Variants in CEP85L observed in about 807,000 individuals in gnomAD.
CEP85L encodes the protein centrosomal protein of 85 kDa-like.
A neutral mutation model predicts 100.3 loss-of-function variants in CEP85L; 60 were observed. The ratio of observed to expected loss-of-function variants is 0.60; its 90% CI spans 0.49 to 0.74. The LOEUF (loss-of-function observed/expected upper bound fraction) is 0.74, where lower values mean the gene tolerates loss of function less well. Ranked by LOEUF, CEP85L falls within the 30% of genes least tolerant of loss-of-function variation. The probability of loss-of-function intolerance (pLI) is 0.00; values close to 1 mark genes in which losing one functional copy is unlikely to be tolerated. For synonymous variants in CEP85L, 319 were observed against 322.7 expected (o/e 0.99, Z 0.12); for missense variants, 973 against 936.2 (o/e 1.04, Z -0.51).
chr6:118,518,499 T>C (rs1776419635), intron 4 of CEP85L, among the ~76,000 whole-genome samples: 1 of 152,234 alleles, frequency 6.6e-6, no homozygotes, highest in African/African-American at 2.4e-5. Context: ...TTCTTCTAGA[T>C]TTTCTAGTTT....
intron 2 of CEP85L, among the ~76,000 whole-genome samples, chr6:118,630,228 A>G (rs1774058447): frequency 6.6e-6 from 1 of 152,174 alleles, no homozygotes; most frequent in South Asian, 2.1e-4. Flanking sequence ...TTCCTTCTGT[A>G]ACCTGTTGAA....
chr6:118,591,324 CT>C (rs1781178077), intron 2 of CEP85L, among the ~76,000 whole-genome samples: 1 of 152,278 alleles, frequency 6.6e-6, no homozygotes, highest in East Asian at 1.9e-4. Context: ...CTACTACTCC[CT>C]TTGCAAAGGC....
rs1781706718 is a variant in CEP85L at position 118,600,341 on chromosome 6, GTGTGTGTGTGTGTGTGTGTGTGTGTGTGT to G, written c.232+32083_232+32111del. Among the ~76,000 whole-genome samples, 3 of 134,346 alleles carry G rather than the reference GTGTGTGTGTGTGTGTGTGTGTGTGTGTGT, an allele frequency of 2.2e-5. No individual in the cohort carries two copies. The South Asian group carries it at 7.7e-4, about 34-fold the overall frequency. The allele number at this position is 134,346 out of a possible 152,430, so 88.1% of individuals were successfully genotyped here. A position where few individuals can be genotyped will look rare whatever the true frequency, so the allele number is the denominator to read the frequency against. ...TGTGTGTGTGTGTGTGTGTGTGTGT[GTGTGTGTGTGTGTGTGTGTGTGTGTGTGT>G]AACGCCATGGAGCAATCTCAGCTCA... On this transcript the variant is annotated intron_variant, in intron 2 of 12. Transcript: ENST00000368491.
At chr6:118,519,432 CTGTGTG>C (rs546998242) in intron 4 of CEP85L, among the ~76,000 whole-genome samples, 1,242 of 23,900 alleles carry the variant, frequency 0.052, 64 homozygotes, top group African/African-American at 0.11. Context: ...GAGCAAAACT[CTGTGTG>C]TGTGTGTGTG....
chr6:118,545,502 C>A (rs569429587), intron 3 of CEP85L, among the ~76,000 whole-genome samples: 3 of 152,094 alleles, frequency 2.0e-5, no homozygotes, highest in African/African-American at 7.2e-5. Context: ...GCAGGAGAAT[C>A]GCTTGAACCC....
At chr6:118,611,519 T>A (rs1772611951) in intron 2 of CEP85L, among the ~76,000 whole-genome samples, 1 of 152,124 alleles carries the variant, frequency 6.6e-6, no homozygotes, top group Non-Finnish European at 1.5e-5. Context: ...AATAATTACA[T>A]TAAATGTAAA....
At chr6:118,533,054 A>G (rs1257767374) in intron 3 of CEP85L, among the ~76,000 whole-genome samples, 1 of 152,118 alleles carries the variant, frequency 6.6e-6, no homozygotes, top group African/African-American at 2.4e-5. Flanking sequence ...AAAAAGGGAA[A>G]AAGCTCTCAA....
intron 2 of CEP85L, among the ~76,000 whole-genome samples, chr6:118,567,168 C>CAT (rs753320421): frequency 3.7e-4 from 55 of 147,786 alleles, no homozygotes; most frequent in African/African-American, 1.1e-3. Context: ...CATTTAATGG[C>CAT]ATATATATAT....
At chr6:118,668,381 T>C (rs1166332908) in intron 1 of CEP85L, among the ~76,000 whole-genome samples, 1 of 152,216 alleles carries the variant, frequency 6.6e-6, no homozygotes, top group African/African-American at 2.4e-5. Flanking sequence ...TGCACTGATA[T>C]ATACACCCAG....
intron 1 of CEP85L, among the ~76,000 whole-genome samples, chr6:118,698,613 G>T (rs1214404050): frequency 6.6e-6 from 1 of 151,648 alleles, no homozygotes; most frequent in Non-Finnish European, 1.5e-5. Flanking sequence ...ACTGTGATAA[G>T]GATACTACAT....
chr6:118,541,157 G>C (rs376542711), intron 3 of CEP85L, among the ~76,000 whole-genome samples: 2 of 152,106 alleles, frequency 1.3e-5, no homozygotes, highest in Non-Finnish European at 2.9e-5. Context: ...ATACATTAAC[G>C]GGGCAGCCTT....
intron 2 of CEP85L, among the ~76,000 whole-genome samples, chr6:118,609,745 A>G (rs1772483731): frequency 6.6e-6 from 1 of 152,202 alleles, no homozygotes; most frequent in Non-Finnish European, 1.5e-5. Flanking sequence ...ACAACCTCAG[A>G]AATACCAGGT....
intron 4 of CEP85L, among the ~76,000 whole-genome samples, chr6:118,515,136 T>C (rs1465098825): frequency 6.6e-6 from 1 of 152,098 alleles, no homozygotes; most frequent in Non-Finnish European, 1.5e-5. Context: ...CAGAGAATAT[T>C]GCCAGGGACA....
chr6:118,528,695 C>T (rs1055406220), intron 3 of CEP85L, among the ~76,000 whole-genome samples: 5 of 152,112 alleles, frequency 3.3e-5, no homozygotes, highest in African/African-American at 1.2e-4. Context: ...TATCTACCTA[C>T]CTCTAAACAT....
intron 1 of CEP85L, among the ~76,000 whole-genome samples, chr6:118,646,698 G>C (rs1775222201): frequency 6.6e-6 from 1 of 152,102 alleles, no homozygotes; most frequent in African/African-American, 2.4e-5. Context: ...AAAAGTGTCT[G>C]ATGATCACGT....
chr6:118,466,434 T>G (rs1326933472), intron 12 of CEP85L, among the ~76,000 whole-genome samples: 1 of 152,120 alleles, frequency 6.6e-6, no homozygotes, highest in Non-Finnish European at 1.5e-5. Context: ...ACATACAATT[T>G]CATAAACAAA....
At chr6:118,483,157 C>A (rs1358399582) in intron 7 of CEP85L, among the ~76,000 whole-genome samples, 1 of 151,756 alleles carries the variant, frequency 6.6e-6, no homozygotes, top group Non-Finnish European at 1.5e-5. Context: ...AAGAGTAGAT[C>A]TAGTGGATTT....
At chr6:118,585,568 G>A (rs760924160) in intron 2 of CEP85L, among the ~76,000 whole-genome samples, 6 of 152,160 alleles carry the variant, frequency 3.9e-5, no homozygotes, top group African/African-American at 9.7e-5. Context: ...GCCACTTCTC[G>A]AGGGTATACA....
chr6:118,682,206 C>T (rs2114261180), intron 1 of CEP85L, among the ~76,000 whole-genome samples: 1 of 152,258 alleles, frequency 6.6e-6, no homozygotes, highest in Admixed American at 6.5e-5. Flanking sequence ...TTTTCATCTA[C>T]ATTAAAATTC....
Sources: allele counts gnomAD v4.1 joint callset (sites outside exome capture counted in the v4.1 genomes callset), GRCh38; gene constraint gnomAD v4.1.1; transcripts MANE v1.5; gene names NCBI Gene and HGNC (gene_info 2026-07-23, HGNC 2026-07-21).